The following ZMYND11 variants were observed in gnomAD, a reference collection of about 807,000 sequenced individuals.
The protein encoded by ZMYND11 is zinc finger MYND domain-containing protein 11.
ZMYND11 carries 9 observed loss-of-function variants against 84.9 expected under a neutral mutation model. That is an observed-to-expected ratio of 0.11 (90% CI 0.06 to 0.18). ZMYND11 has a LOEUF of 0.18. Among genes scored for constraint, ZMYND11 ranks in the 10% least tolerant of loss-of-function variants. The pLI is 1.00. For missense variants in ZMYND11, 409 were observed against 761.0 expected (o/e 0.54, Z 5.44); for synonymous variants, 250 against 244.1 (o/e 1.02, Z -0.23).
At chr10:192,335 G>A (rs768817392) in intron 2 of ZMYND11, among the ~76,000 whole-genome samples, 5 of 152,166 alleles carry the variant, frequency 3.3e-5, no homozygotes, top group Non-Finnish European at 5.9e-5. Flanking sequence ...GGCTCCTCCT[G>A]CAGCCCTGTA....
chr10:182,685 G>A lies in ZMYND11; in HGVS notation c.116+2557G>A, dbSNP rs78169403. ...TTTGTCATTGTTTCCCTGCTAGACA[G>A]CTCCAAGAAAGAACTGTCTAGAAAA... On this transcript the variant is annotated intron_variant, in intron 2 of 14. Coordinates refer to ENST00000381604, the MANE Select transcript of ZMYND11 (RefSeq NM_001370100.5). Among the ~76,000 whole-genome samples the A allele has an allele frequency of 2.2e-4, 34 of 152,282 alleles. No homozygotes were observed. The East Asian group carries it at 6.0e-3, about 27-fold the overall frequency.
intron 2 of ZMYND11, chr10:198,005 GGTAA>G (rs149095861): frequency 1.2e-5 from 7 of 608,490 alleles, no homozygotes; most frequent in African/African-American, 1.1e-4. Flanking sequence ...GTTATAAACT[GGTAA>G]GTAAGTTTTT....
intron 10 of ZMYND11, among the ~76,000 whole-genome samples, chr10:242,702 T>G (rs1284064977): frequency 6.6e-6 from 1 of 152,186 alleles, no homozygotes; most frequent in Non-Finnish European, 1.5e-5. Context: ...TTTGTAAGGA[T>G]TTAAATGAAC....
chr10:162,836 A>C (rs1716752498), intron 1 of ZMYND11, among the ~76,000 whole-genome samples: 1 of 152,156 alleles, frequency 6.6e-6, no homozygotes, highest in South Asian at 2.1e-4. Context: ...GCAGTTGCTC[A>C]GTTTCATGTT....
intron 2 of ZMYND11, among the ~76,000 whole-genome samples, 159 bp from the exon 3 acceptor site, chr10:209,730 T>C (rs1056815583): frequency 6.6e-5 from 8 of 121,444 alleles, no homozygotes; most frequent in African/African-American, 2.5e-4. Context: ...TCCTTTCTTT[T>C]CTGTTTATCG....
At chr10:169,244 A>G (rs1844725356) in intron 1 of ZMYND11, among the ~76,000 whole-genome samples, 1 of 152,146 alleles carries the variant, frequency 6.6e-6, no homozygotes, top group Non-Finnish European at 1.5e-5. Context: ...GCCCTGGTGA[A>G]GTTCACAGTC....
chr10:178,056 C>T (rs565463073), intron 1 of ZMYND11, among the ~76,000 whole-genome samples: 144 of 152,220 alleles, frequency 9.5e-4, no homozygotes, highest in African/African-American at 3.4e-3. Context: ...TTTACATTTT[C>T]CTACATATTT....
chr10:169,754 C>A (rs190584958), intron 1 of ZMYND11, among the ~76,000 whole-genome samples: 77 of 152,030 alleles, frequency 5.1e-4, no homozygotes, highest in African/African-American at 1.4e-3. Flanking sequence ...CAGAGAGAGA[C>A]AAGTCTGGGG....
chr10:206,014 G>GT (rs1554775920), intron 2 of ZMYND11, among the ~76,000 whole-genome samples: 2,929 of 128,952 alleles, frequency 0.023, 80 homozygotes, highest in African/African-American at 0.072. Flanking sequence ...TCCTAAGGTT[G>GT]TTTTTTTTTT....
chr10:250,974 G>C (rs554114390), intron 14 of ZMYND11, among the ~76,000 whole-genome samples: 1 of 150,912 alleles, frequency 6.6e-6, no homozygotes, highest in Non-Finnish European at 1.5e-5. Flanking sequence ...AATGAGCTGA[G>C]ATTGTGCCAC....
At chr10:144,743 A>T (rs551424003) in intron 1 of ZMYND11, among the ~76,000 whole-genome samples, 1,493 of 146,036 alleles carry the variant, frequency 0.01, 29 homozygotes, top group African/African-American at 0.035. Flanking sequence ...TATATATATA[A>T]TATATATATG....
chr10:218,116 AATTT>A (rs1362102545), intron 3 of ZMYND11, among the ~76,000 whole-genome samples: 8 of 152,360 alleles, frequency 5.3e-5, no homozygotes, highest in African/African-American at 1.2e-4. Context: ...AATGGCACTG[AATTT>A]ATTTATTAGC....
At chr10:158,065 A>G (rs1842105950) in intron 1 of ZMYND11, among the ~76,000 whole-genome samples, 2 of 152,190 alleles carry the variant, frequency 1.3e-5, no homozygotes, top group African/African-American at 4.8e-5. Context: ...GCCAAATAAC[A>G]TTTCATTGTA....
rs566914098 is a variant in ZMYND11 at position 165,346 on chromosome 10, C to T, written c.-19-14648C>T. Among the ~76,000 whole-genome samples the T allele has an allele frequency of 1.1e-4, 17 of 152,222 alleles. No homozygotes were observed. The East Asian group carries it at 3.3e-3, about 29-fold the overall frequency. On this transcript the variant is annotated intron_variant, in intron 1 of 14. Coordinates refer to ENST00000381604, the MANE Select transcript of ZMYND11 (RefSeq NM_001370100.5). Reference sequence around the variant, plus strand: ...GCTCCTAGTTCTTAGGGGCCTAGGTCACTTTCTACCATATTCTCTCCTGGG... The same window carrying T: ...GCTCCTAGTTCTTAGGGGCCTAGGTTACTTTCTACCATATTCTCTCCTGGG...
At chr10:177,045 A>T (rs1348889978) in intron 1 of ZMYND11, among the ~76,000 whole-genome samples, 1 of 152,182 alleles carries the variant, frequency 6.6e-6, no homozygotes, top group Non-Finnish European at 1.5e-5. Flanking sequence ...CTTTTCTTAT[A>T]TCTAGTCACA....
At chr10:137,403 G>A (rs946089050) in intron 1 of ZMYND11, among the ~76,000 whole-genome samples, 4 of 152,160 alleles carry the variant, frequency 2.6e-5, no homozygotes, top group Non-Finnish European at 5.9e-5. Flanking sequence ...CCCACAGTAA[G>A]CTGAGTCATA....
Position 165,426 on chromosome 10 carries a change from C to A in ZMYND11, c.-19-14568C>A, listed in dbSNP as rs552733762. Among the ~76,000 whole-genome samples, 4 of 152,204 alleles carry A rather than the reference C, an allele frequency of 2.6e-5. 1 individual carries two copies. In the South Asian group the frequency reaches 8.3e-4, roughly 32 times the overall value. ...TACCATGCTTAGGTGCCTCACAAAT[C>A]TTCAGCATATATCCCCAGCTCACTA... On this transcript the variant is annotated intron_variant, in intron 1 of 14. Coordinates refer to ENST00000381604, the MANE Select transcript of ZMYND11 (RefSeq NM_001370100.5).
At chr10:212,978 C>T (rs993344883) in intron 3 of ZMYND11, among the ~76,000 whole-genome samples, 20 of 152,078 alleles carry the variant, frequency 1.3e-4, no homozygotes, top group Admixed American at 7.2e-4. Flanking sequence ...GGCTACTCAG[C>T]GACTGTCCAT....
At chr10:199,219 G>A (rs1274589646) in intron 2 of ZMYND11, among the ~76,000 whole-genome samples, 2 of 151,756 alleles carry the variant, frequency 1.3e-5, no homozygotes, top group Admixed American at 6.6e-5. Context: ...ATTATTGGTA[G>A]CAGAACTCTC....
Sources: allele counts gnomAD v4.1 joint callset (sites outside exome capture counted in the v4.1 genomes callset), GRCh38; gene constraint gnomAD v4.1.1; transcripts MANE v1.5; gene names NCBI Gene and HGNC (gene_info 2026-07-23, HGNC 2026-07-21).